Variants in DUSP10 observed in about 807,000 individuals in gnomAD.
DUSP10 encodes dual specificity protein phosphatase 10.
Under a neutral mutation model 30.8 loss-of-function variants are expected in DUSP10, and 14 were observed. The ratio of observed to expected loss-of-function variants is 0.46; its 90% confidence interval spans 0.30 to 0.71. The LOEUF is 0.71. Among genes scored for constraint, DUSP10 ranks in the 30% least tolerant of loss-of-function variants. The pLI is 0.08. For synonymous variants in DUSP10, 254 were observed against 250.4 expected (o/e 1.01, Z -0.14); for missense variants, 550 against 619.4 (o/e 0.89, Z 1.19).
chr1:221,707,139 C>T (rs191966394), intron 2 of DUSP10, among the ~76,000 whole-genome samples: 20 of 152,270 alleles, frequency 1.3e-4, no homozygotes, highest in African/African-American at 4.6e-4. Flanking sequence ...TAAATGAATA[C>T]GTGTAAAATA....
intron 2 of DUSP10, 96 bp downstream of exon 2, chr1:221,738,838 G>A (rs903393305): frequency 1.1e-5 from 16 of 1,467,482 alleles, no homozygotes; most frequent in Non-Finnish European, 1.5e-5. Flanking sequence ...TTGGTCTTTG[G>A]TAGCCAGGGT....
chr1:221,701,596 A>G lies in DUSP10; in HGVS notation c.*816T>C, dbSNP rs1362970551. On this transcript the variant is annotated 3_prime_UTR_variant, in exon 4 of 4. Coordinates refer to ENST00000366899, the MANE Select transcript of DUSP10 (RefSeq NM_007207.6). Reference sequence around the variant, plus strand: ...AACCAGAATCAAATCAGAAAAAAAAAAAAAAAAGGAAAAAGGTGGGAAGGA... The same window carrying G: ...AACCAGAATCAAATCAGAAAAAAAAGAAAAAAAGGAAAAAGGTGGGAAGGA... The G allele has an allele frequency of 6.6e-6, 1 of 152,008 alleles. No individual in the cohort carries two copies. Among genetic ancestry groups the G allele is most frequent in the African/African-American group, 2.4e-5 (1 of 41,362 alleles). The allele number at this position is 152,008 out of a possible 1,614,324, so 9.4% of individuals were successfully genotyped here. A position where few individuals can be genotyped will look rare whatever the true frequency, so the allele number is the denominator to read the frequency against.
At chr1:221,736,770 C>T (rs1325732404) in intron 2 of DUSP10, 1 of 977,026 alleles carries the variant, frequency 1.0e-6, no homozygotes, top group Non-Finnish European at 1.2e-6. Flanking sequence ...CCCCTTCACT[C>T]CTGAACTACA....
At position 221,701,732 on chromosome 1, in the gene DUSP10, T is replaced by C. The variant is rs1272551325; in HGVS notation, c.*680A>G. On this transcript the variant is annotated 3_prime_UTR_variant, in exon 4 of 4. Transcript: ENST00000366899. ...ACTTGTTTGCACACTTAAAACATCA[T>C]ATTATTGCACAAGAAGCCAGTGAAG... 1 of 152,052 alleles carries C rather than the reference T, an allele frequency of 6.6e-6. No homozygotes were observed. The highest frequency in any genetic ancestry group is 1.5e-5 in the Non-Finnish European group (1 of 67,980). 9.4% of individuals were successfully genotyped at this position (152,052 alleles called of 1,614,324 possible). A position where few individuals can be genotyped will look rare whatever the true frequency, so the allele number is the denominator to read the frequency against.
At chr1:221,711,201 G>A (rs1660927704) in intron 2 of DUSP10, among the ~76,000 whole-genome samples, 2 of 152,216 alleles carry the variant, frequency 1.3e-5, no homozygotes, top group South Asian at 2.1e-4. Flanking sequence ...TCCTGTTGCT[G>A]TTTTGGCGAC....
intron 1 of DUSP10, among the ~76,000 whole-genome samples, 166 bp from the exon 2 acceptor site, chr1:221,739,953 G>A (rs1182110328): frequency 6.6e-6 from 1 of 152,200 alleles, no homozygotes; most frequent in Non-Finnish European, 1.5e-5. Context: ...TGTATTCAAA[G>A]AGGATGCAAA....
chr1:221,711,974 G>C (rs1172509724), intron 2 of DUSP10, among the ~76,000 whole-genome samples: 2 of 152,222 alleles, frequency 1.3e-5, no homozygotes, highest in Admixed American at 1.3e-4. Context: ...GACAGGGTCA[G>C]AGTCACTTCA....
intron 2 of DUSP10, among the ~76,000 whole-genome samples, chr1:221,734,480 A>C (rs543965371): frequency 6.6e-6 from 1 of 152,328 alleles, no homozygotes; most frequent in African/African-American, 2.4e-5. Context: ...ATTTCCTTTC[A>C]ATCAATATCA....
chr1:221,734,355 A>G (rs1328179541), intron 2 of DUSP10, among the ~76,000 whole-genome samples: 1 of 152,226 alleles, frequency 6.6e-6, no homozygotes, highest in African/African-American at 2.4e-5. Context: ...TGCAACTTAA[A>G]TTAGTTAACA....
At chr1:221,704,048 T>C (rs1051501676) in intron 3 of DUSP10, among the ~76,000 whole-genome samples, 4 of 151,718 alleles carry the variant, frequency 2.6e-5, no homozygotes, top group Admixed American at 2.0e-4. Flanking sequence ...TCTGAGTGCC[T>C]GGCTGGACCA....
At chr1:221,715,742 C>T (rs1045954623) in intron 2 of DUSP10, among the ~76,000 whole-genome samples, 11 of 152,132 alleles carry the variant, frequency 7.2e-5, no homozygotes, top group African/African-American at 2.7e-4. Context: ...AATTAAACAG[C>T]TTTGTGTTAT....
At chr1:221,724,964 A>G (rs1379542118) in intron 2 of DUSP10, among the ~76,000 whole-genome samples, 3 of 152,236 alleles carry the variant, frequency 2.0e-5, no homozygotes, top group Non-Finnish European at 4.4e-5. Flanking sequence ...TCAAGTAGCC[A>G]CGACAATAGC....
chr1:221,723,728 C>A (rs181525749), intron 2 of DUSP10, among the ~76,000 whole-genome samples: 1 of 152,342 alleles, frequency 6.6e-6, no homozygotes, highest in Non-Finnish European at 1.5e-5. Context: ...GAGGGTCCTG[C>A]ATATGGAGCT....
rs186988174 is a variant in DUSP10, at chr1:221,713,866, T to C, written c.812-7400A>G. Among the ~76,000 whole-genome samples the C allele has an allele frequency of 2.3e-3, 354 of 152,266 alleles. 2 individuals carry two copies. The highest frequency in any genetic ancestry group is 0.011 in the South Asian group (52 of 4,824). The stretch of plus-strand genomic sequence containing the variant: ...AGCTACAGGGAAAGAGGTATTGAGA[T>C]AGGTGGTCAATTTCTTTTTGGAAAT... On this transcript the variant is annotated intron_variant, in intron 2 of 3. Transcript: ENST00000366899.
At chr1:221,736,611 A>G (rs1375523120) in intron 2 of DUSP10, among the ~76,000 whole-genome samples, 1 of 152,186 alleles carries the variant, frequency 6.6e-6, no homozygotes, top group Non-Finnish European at 1.5e-5. Context: ...CTATGGTATT[A>G]ATCTCTGGTT....
intron 2 of DUSP10, among the ~76,000 whole-genome samples, chr1:221,730,789 G>A (rs1004326804): frequency 6.6e-5 from 10 of 151,524 alleles, no homozygotes; most frequent in Admixed American, 1.3e-4. Context: ...CTCGGGTGGG[G>A]GACTGGAATG....
chr1:221,737,360 G>T (rs766138269), intron 2 of DUSP10: 1 of 985,246 alleles, frequency 1.0e-6, no homozygotes, highest in South Asian at 4.7e-5. Flanking sequence ...GAAATTCCTC[G>T]GTAGGATTTT....
At chr1:221,737,421 G>A (rs926943607) in intron 2 of DUSP10, 1 of 985,110 alleles carries the variant, frequency 1.0e-6, no homozygotes, top group African/African-American at 1.7e-5. Flanking sequence ...ACAATAGCAG[G>A]GTAAATATCC....
intron 2 of DUSP10, among the ~76,000 whole-genome samples, chr1:221,711,326 C>T (rs769780591): frequency 5.9e-5 from 9 of 152,176 alleles, no homozygotes; most frequent in Non-Finnish European, 1.2e-4. Context: ...GATTTTTATA[C>T]TCTAAAGGTG....
Sources: allele counts gnomAD v4.1 joint callset (sites outside exome capture counted in the v4.1 genomes callset), GRCh38; gene constraint gnomAD v4.1.1; transcripts MANE v1.5; gene names NCBI Gene and HGNC (gene_info 2026-07-23, HGNC 2026-07-21).